Variants in SUMF1 observed in about 807,000 individuals in gnomAD.
The protein encoded by SUMF1 is formylglycine-generating enzyme.
A neutral mutation model predicts 47.6 loss-of-function variants in SUMF1; 48 were observed. The ratio of observed to expected loss-of-function variants is 1.01; its 90% CI spans 0.80 to 1.28. SUMF1 has a LOEUF of 1.28. SUMF1 is among the 50% of genes most tolerant of loss of function. SUMF1 has a pLI of 0.00. For missense variants in SUMF1, 571 were observed against 485.4 expected (o/e 1.18, Z -1.66); for synonymous variants, 230 against 192.1 (o/e 1.20, Z -1.63).
At chr3:4,393,873 T>G (rs1700956953) in intron 7 of SUMF1, among the ~76,000 whole-genome samples, 2 of 152,094 alleles carry the variant, frequency 1.3e-5, no homozygotes, top group African/African-American at 4.8e-5. Flanking sequence ...TTGTACTTGT[T>G]TTCTGTATTA....
At chr3:4,310,260 A>G (rs1698353470) in intron 8 of SUMF1, among the ~76,000 whole-genome samples, 1 of 152,218 alleles carries the variant, frequency 6.6e-6, no homozygotes, top group Admixed American at 6.5e-5. Flanking sequence ...ACCTCACATT[A>G]TTTCTGAAAA....
At chr3:4,281,389 G>C (rs1216825196) in intron 8 of SUMF1, among the ~76,000 whole-genome samples, 2 of 152,114 alleles carry the variant, frequency 1.3e-5, no homozygotes, top group African/African-American at 4.8e-5. Flanking sequence ...GAGTAACTGA[G>C]ATATATTGAT....
intron 8 of SUMF1, among the ~76,000 whole-genome samples, chr3:4,177,501 G>C (rs1267599645): frequency 2.0e-5 from 3 of 152,102 alleles, no homozygotes; most frequent in Non-Finnish European, 4.4e-5. Flanking sequence ...TGAGAACAAA[G>C]ACATAACGTA....
At chr3:4,221,434 T>C (rs566567544) in intron 8 of SUMF1, among the ~76,000 whole-genome samples, 3,716 of 151,778 alleles carry the variant, frequency 0.024, 147 homozygotes, top group African/African-American at 0.086. Flanking sequence ...TGTGTGTGTG[T>C]GTGTGTGTGT....
chr3:4,280,814 C>CGTGT (rs56919301), intron 8 of SUMF1, among the ~76,000 whole-genome samples: 2,479 of 137,908 alleles, frequency 0.018, 30 homozygotes, highest in Admixed American at 0.029. Flanking sequence ...TGGCATTCAC[C>CGTGT]GTGTGTGTGT....
chr3:4,452,778 A>G, intron 2 of SUMF1, 98 bp downstream of exon 2: 2 of 1,372,274 alleles, frequency 1.5e-6, no homozygotes, highest in Non-Finnish European at 2.1e-6. Context: ...CTGCCACAGA[A>G]TGCAGTAAAA....
rs138548245 is a variant in SUMF1, at chr3:4,380,526, C to T, written c.955-4137G>A. Among the ~76,000 whole-genome samples, 662 of 152,250 alleles carry T rather than the reference C, an allele frequency of 4.3e-3. 7 individuals are homozygous for T. The highest frequency in any genetic ancestry group is 0.015 in the African/African-American group (618 of 41,544). ...TTATCTACACCAAACCCCCACGGCC[C>T]ACAATTTACCCATGTAACAAACCTG... On this transcript the variant is annotated intron_variant, in intron 7 of 8. Transcript: ENST00000272902.
At chr3:4,386,678 C>T (rs1006601037) in intron 7 of SUMF1, among the ~76,000 whole-genome samples, 8 of 152,128 alleles carry the variant, frequency 5.3e-5, no homozygotes, top group African/African-American at 1.7e-4. Context: ...TTACCTTTTT[C>T]CCAATATTAG....
chr3:4,220,139 C>G (rs752124855), intron 8 of SUMF1, among the ~76,000 whole-genome samples: 10 of 152,094 alleles, frequency 6.6e-5, no homozygotes, highest in Non-Finnish European at 1.2e-4. Flanking sequence ...AAAAATTTCA[C>G]TTCACCCAGG....
intron 8 of SUMF1, chr3:4,313,901 C>A: frequency 7.0e-7 from 1 of 1,418,822 alleles, no homozygotes; most frequent in East Asian, 2.3e-5. Context: ...TATCCTTTCC[C>A]CTTTCTGTAA....
intron 8 of SUMF1, among the ~76,000 whole-genome samples, chr3:4,284,663 T>TAGGA (rs1420538336): frequency 6.6e-6 from 1 of 152,066 alleles, no homozygotes; most frequent in Non-Finnish European, 1.5e-5. Context: ...AAGCTGGCTC[T>TAGGA]TCCTAGGCAG....
intron 1 of SUMF1, among the ~76,000 whole-genome samples, chr3:4,454,776 C>A (rs1055689192): frequency 6.6e-6 from 1 of 152,094 alleles, no homozygotes. Context: ...CTACAACATG[C>A]GTGAACCTTG....
chr3:4,167,694 A>C (rs1694740617), intron 8 of SUMF1, among the ~76,000 whole-genome samples: 2 of 152,202 alleles, frequency 1.3e-5, no homozygotes, highest in African/African-American at 4.8e-5. Context: ...TATCAGTAGC[A>C]GTGGCAACTC....
chr3:4,123,932 A>T (rs1423696634), intron 8 of SUMF1, among the ~76,000 whole-genome samples: 2 of 152,080 alleles, frequency 1.3e-5, no homozygotes, highest in African/African-American at 2.4e-5. Context: ...GTGAGTGTTT[A>T]TGTCTCTGGG....
chr3:4,082,905 C>T (rs573263349), intron 8 of SUMF1, among the ~76,000 whole-genome samples: 1 of 152,220 alleles, frequency 6.6e-6, no homozygotes, highest in South Asian at 2.1e-4. Flanking sequence ...TCTGTTTAAA[C>T]TCTTTTTCTG....
intron 9 of SUMF1, among the ~76,000 whole-genome samples, chr3:4,063,845 T>C (rs1206551008): frequency 6.6e-6 from 1 of 152,212 alleles, no homozygotes. Context: ...GGTCTTTATT[T>C]CAAAACAAAT....
In SUMF1 at chr3:4,465,788, G is replaced by A. The variant is rs529852564; in HGVS notation, c.270+1188C>T. On this transcript the variant is annotated intron_variant, in intron 1 of 8. Transcript: ENST00000272902. Reference sequence around the variant, plus strand: ...ACAGTCCAGTTGGGGAGAGACATCAGCAGAAAAACATCTTTAATAATTGTT... The same window carrying A: ...ACAGTCCAGTTGGGGAGAGACATCAACAGAAAAACATCTTTAATAATTGTT... 1.7e-4 allele frequency among the ~76,000 whole-genome samples: 26 copies of A among 152,280 alleles called. No individual in the cohort carries two copies. The Middle Eastern group carries it at 0.01, about 60-fold the overall frequency.
chr3:4,325,588 T>A (rs1653354102), intron 8 of SUMF1, among the ~76,000 whole-genome samples: 1 of 144,860 alleles, frequency 6.9e-6, no homozygotes, highest in African/African-American at 2.8e-5. Flanking sequence ...TGTATGTATA[T>A]ATCTGTGTGT....
chr3:4,269,028 T>G (rs979571260), intron 8 of SUMF1, among the ~76,000 whole-genome samples: 1 of 152,158 alleles, frequency 6.6e-6, no homozygotes, highest in Non-Finnish European at 1.5e-5. Context: ...TTAAAGTAAC[T>G]TTTTAACCAT....
Sources: gnomAD v4.1 joint callset for allele counts (sites outside exome capture counted in the v4.1 genomes callset) on GRCh38, gnomAD v4.1.1 for gene constraint, MANE v1.5 for transcripts, NCBI Gene and HGNC (gene_info 2026-07-23, HGNC 2026-07-21) for gene names.